PLXNA4: variants seen among roughly 807,000 people sequenced by gnomAD.
The protein encoded by PLXNA4 is plexin-A4.
Under a neutral mutation model 191.8 loss-of-function variants are expected in PLXNA4, and 44 were observed. That is an observed-to-expected ratio of 0.23 (90% confidence interval 0.18 to 0.29). The LOEUF is 0.29. Ranked by LOEUF, PLXNA4 falls within the 10% of genes least tolerant of loss-of-function variation. The pLI is 1.00. For synonymous variants in PLXNA4, 1,082 were observed against 1,009.5 expected (o/e 1.07, Z -1.36); for missense variants, 1,800 against 2,488.8 (o/e 0.72, Z 5.89).
At chr7:132,334,823 A>G (rs967789674) in intron 3 of PLXNA4, among the ~76,000 whole-genome samples, 1 of 152,204 alleles carries the variant, frequency 6.6e-6, no homozygotes, top group African/African-American at 2.4e-5. Context: ...TGCCCAGAAC[A>G]TCGGCATTGA....
chr7:132,271,674 A>G (rs1483097631), intron 4 of PLXNA4, among the ~76,000 whole-genome samples: 2 of 152,124 alleles, frequency 1.3e-5, no homozygotes, highest in Non-Finnish European at 2.9e-5. Context: ...CCATGAAATG[A>G]TGGATGTAAC....
intron 9 of PLXNA4, among the ~76,000 whole-genome samples, chr7:132,215,825 A>T (rs972050519): frequency 9.9e-5 from 15 of 152,186 alleles, no homozygotes; most frequent in Non-Finnish European, 2.1e-4. Context: ...AGGAAGTTCT[A>T]TGCCCCTTCC....
rs1053503469 is a variant in PLXNA4 at position 132,125,157 on chromosome 7, G to A, written c.*5322C>T. 1 of 152,264 alleles carries A rather than the reference G, an allele frequency of 6.6e-6. No individual in the cohort carries two copies. The highest frequency in any genetic ancestry group is 1.9e-4 in the East Asian group (1 of 5,188). 9.4% of individuals were successfully genotyped at this position (152,264 alleles called of 1,614,324 possible). A position where few individuals can be genotyped will look rare whatever the true frequency, so the allele number is the denominator to read the frequency against. On this transcript the variant is annotated 3_prime_UTR_variant, in exon 32 of 32. Coordinates refer to ENST00000321063, the MANE Select transcript of PLXNA4 (RefSeq NM_020911.2). The stretch of plus-strand genomic sequence containing the variant: ...AGCATGCCACCCTTAGCACCATGAG[G>A]AGAGGTTTGCAGAGTGTCCCAGCCT...
At chr7:132,630,639 G>A (rs944620913) in intron 2 of PLXNA4, among the ~76,000 whole-genome samples, 1 of 152,050 alleles carries the variant, frequency 6.6e-6, no homozygotes, top group Admixed American at 6.6e-5. Flanking sequence ...AGCCTCCCAA[G>A]TAGCTGGGAC....
At chr7:132,144,025 C>T (rs986506806) in intron 29 of PLXNA4, among the ~76,000 whole-genome samples, 1 of 152,296 alleles carries the variant, frequency 6.6e-6, no homozygotes, top group Non-Finnish European at 1.5e-5. Context: ...TGACTTCTGC[C>T]TTCATCTGTG....
At chr7:132,467,728 C>T (rs1157031359) in intron 3 of PLXNA4, among the ~76,000 whole-genome samples, 1 of 152,192 alleles carries the variant, frequency 6.6e-6, no homozygotes, top group African/African-American at 2.4e-5. Flanking sequence ...AGAATATTCC[C>T]ATAGGTGGTA....
intron 21 of PLXNA4, among the ~76,000 whole-genome samples, chr7:132,171,626 C>T (rs73499334): frequency 0.063 from 9,622 of 152,220 alleles, 430 homozygotes; most frequent in Non-Finnish European, 0.077. Flanking sequence ...GGGATTCTTG[C>T]GAGGCTGCCC....
At chr7:132,156,483 T>C (rs923892448) in intron 25 of PLXNA4, among the ~76,000 whole-genome samples, 2 of 152,158 alleles carry the variant, frequency 1.3e-5, no homozygotes, top group Non-Finnish European at 2.9e-5. Context: ...CTTTGCTTCT[T>C]GCGGAGCTGG....
At chr7:132,286,167 T>A (rs1006761762) in intron 4 of PLXNA4, among the ~76,000 whole-genome samples, 2 of 152,194 alleles carry the variant, frequency 1.3e-5, no homozygotes, top group Non-Finnish European at 2.9e-5. Flanking sequence ...TGCTCTCACT[T>A]TACCACTGCA....
At chr7:132,473,845 T>A (rs1169501257) in intron 3 of PLXNA4, among the ~76,000 whole-genome samples, 5 of 136,080 alleles carry the variant, frequency 3.7e-5, no homozygotes, top group African/African-American at 1.3e-4. Context: ...CAAGACTCCG[T>A]CTCAAACAAG....
At chr7:132,151,257 AAGGAGGAGGAGGAAGAAGAAGG>A (rs1163567704) in intron 25 of PLXNA4, among the ~76,000 whole-genome samples, 4 of 118,588 alleles carry the variant, frequency 3.4e-5, no homozygotes, top group South Asian at 5.7e-4. Context: ...GAGGAAGAAG[AAGGAGGAGGAGGAAGAAGAAGG>A]AGGAGGAGGA....
At chr7:132,632,931 G>A (rs748778567) in intron 2 of PLXNA4, among the ~76,000 whole-genome samples, 20 of 152,054 alleles carry the variant, frequency 1.3e-4, no homozygotes, top group South Asian at 2.1e-4. Flanking sequence ...GTGTTCTCAG[G>A]ACACAGAGCT....
At position 132,159,629 on chromosome 7, in the gene PLXNA4, G is replaced by C; in HGVS notation, c.4504C>G (p.Leu1502Val). The change falls in exon 25 of 32, where the codon CTG becomes GTG. Residue 1502 changes from leucine (L) to valine (V), a missense_variant. Physicochemically the swap from Leu to Val is conservative, Grantham distance 32. Transcript: ENST00000321063. ...GCATTGTCTGGGCTGACACAGCTCA[G>C]GACCTGAAGGAAAGGTGGGGAGAGG... is the stretch of plus-strand genomic sequence containing the variant. ...RQQIDYKTLVLSCVSPDNANS... is the reference protein window; with the variant it reads ...RQQIDYKTLVVSCVSPDNANS... 6.2e-7 allele frequency: 1 copy of C among 1,614,010 alleles called. No homozygotes were observed. The highest frequency in any genetic ancestry group is 8.5e-7 in the Non-Finnish European group (1 of 1,179,966).
chr7:132,351,712 G>A (rs1803494265), intron 3 of PLXNA4, among the ~76,000 whole-genome samples: 1 of 152,114 alleles, frequency 6.6e-6, no homozygotes, highest in Non-Finnish European at 1.5e-5. Context: ...CCCAGCCAAG[G>A]ACCTAGAGTC....
intron 2 of PLXNA4, among the ~76,000 whole-genome samples, chr7:132,613,441 A>G (rs562237252): frequency 3.9e-5 from 6 of 152,280 alleles, no homozygotes; most frequent in East Asian, 1.9e-4. Context: ...CACTGTCCCC[A>G]TTAGATTTTG....
At position 132,508,876 on chromosome 7, in the gene PLXNA4, A is replaced by T; in HGVS notation, c.-86-97T>A. ...TGGACTTTCAAAATGTTCTGCACAC[A>T]CTGAGCAGAACTGCACTGGGGGGTG... On this transcript the variant is annotated intron_variant, in intron 1 of 31. Coordinates refer to ENST00000321063, the MANE Select transcript of PLXNA4 (RefSeq NM_020911.2). This position sits in a 1 kb window ranked among gnomAD's most constrained non-coding sequence, Gnocchi z 4.4. 7 of 1,172,618 alleles carry T rather than the reference A, an allele frequency of 6.0e-6. No individual in the cohort carries two copies. The highest frequency in any genetic ancestry group is 8.1e-6 in the Non-Finnish European group (7 of 867,758). 72.6% of individuals were successfully genotyped at this position (1,172,618 alleles called of 1,614,324 possible). A position where few individuals can be genotyped will look rare whatever the true frequency, so the allele number is the denominator to read the frequency against.
chr7:132,291,219 C>T (rs748245472), intron 4 of PLXNA4, among the ~76,000 whole-genome samples: 3 of 152,160 alleles, frequency 2.0e-5, no homozygotes, highest in African/African-American at 4.8e-5. Context: ...TCTCCCCAGA[C>T]GGTCCTCTCG....
chr7:132,169,330 A>G (rs1262325901), intron 21 of PLXNA4, among the ~76,000 whole-genome samples: 1 of 152,114 alleles, frequency 6.6e-6, no homozygotes, highest in Non-Finnish European at 1.5e-5. Flanking sequence ...TGTACCATTC[A>G]CTCAGCAAAC....
At chr7:132,349,875 T>G (rs1803412651) in intron 3 of PLXNA4, among the ~76,000 whole-genome samples, 1 of 152,178 alleles carries the variant, frequency 6.6e-6, no homozygotes, top group African/African-American at 2.4e-5. Context: ...TCCTTTTTTT[T>G]AAGTATATTT....
Sources: allele counts gnomAD v4.1 joint callset (sites outside exome capture counted in the v4.1 genomes callset), GRCh38; gene constraint gnomAD v4.1.1; non-coding constraint Gnocchi (gnomAD v3.1); transcripts MANE v1.5; gene names NCBI Gene and HGNC (gene_info 2026-07-23, HGNC 2026-07-21).